The following IL18RAP variants were observed in gnomAD, a reference collection of about 807,000 sequenced individuals.
IL18RAP encodes the protein interleukin 18 receptor accessory protein, also known as interleukin-18 receptor accessory protein.
Under a neutral mutation model 58.1 loss-of-function variants are expected in IL18RAP, and 37 were observed. The ratio of observed to expected loss-of-function variants is 0.64; its 90% CI spans 0.49 to 0.84. The LOEUF (loss-of-function observed/expected upper bound fraction) is 0.84. Ranked by LOEUF, IL18RAP falls within the 40% of genes least tolerant of loss-of-function variation. The pLI, the probability that IL18RAP is intolerant of heterozygous loss-of-function variation, is 0.00. For synonymous variants in IL18RAP, 268 were observed against 257.5 expected (o/e 1.04, Z -0.39); for missense variants, 667 against 704.8 (o/e 0.95, Z 0.61).
At chr2:102,441,503 T>C (rs780931370) in intron 5 of IL18RAP, 126 bp downstream of exon 5, 4 of 691,896 alleles carry the variant, frequency 5.8e-6, no homozygotes, top group South Asian at 3.5e-5. Flanking sequence ...AACTCAGCCA[T>C]TGACTAGTTT....
rs1558641321 is a variant in IL18RAP at position 102,437,362 on chromosome 2, GGTAA to G, written c.730+3_730+6del. ...AGCTGTTGTTCAAGTGAGAACCATT[GGTAA>G]GTGAGATTTTTATCTCAAGATTTGA... On this transcript the variant is annotated splice_donor_variant and splice_donor_region_variant and intron_variant, in intron 4 of 9. Coordinates refer to ENST00000687160, the MANE Select transcript of IL18RAP (RefSeq NM_001393487.1). LOFTEE classifies it high-confidence loss of function. 1.2e-6 allele frequency: 2 copies of G among 1,603,544 alleles called. No homozygotes were observed. The highest frequency in any genetic ancestry group is 3.5e-5 in the Admixed American group (2 of 57,414).
upstream of IL18RAP, among the ~76,000 whole-genome samples, chr2:102,421,704 A>T (rs1681588102): frequency 1.3e-5 from 2 of 152,158 alleles, no homozygotes. Context: ...TCTTTCTTCC[A>T]TGAACACGCC....
At chr2:102,428,102 G>T (rs959164282) in intron 3 of IL18RAP, among the ~76,000 whole-genome samples, 3 of 151,230 alleles carry the variant, frequency 2.0e-5, no homozygotes, top group Non-Finnish European at 4.4e-5. Flanking sequence ...GATTTAAATG[G>T]CTTAACAATA....
At chr2:102,448,243 C>T (rs1332900427) in intron 8 of IL18RAP, among the ~76,000 whole-genome samples, 1 of 152,172 alleles carries the variant, frequency 6.6e-6, no homozygotes, top group African/African-American at 2.4e-5. Context: ...GATTTGGGCA[C>T]AGGTTGTCTG....
intron 3 of IL18RAP, among the ~76,000 whole-genome samples, chr2:102,431,048 G>A (rs1682316041): frequency 6.6e-6 from 1 of 151,962 alleles, no homozygotes; most frequent in Admixed American, 6.6e-5. Context: ...CATATTTTTT[G>A]TTATTAATTA....
chr2:102,428,042 A>G (rs947917851), intron 3 of IL18RAP, among the ~76,000 whole-genome samples: 3 of 146,290 alleles, frequency 2.1e-5, no homozygotes, highest in African/African-American at 5.1e-5. Context: ...GCTTTCTGTC[A>G]TATTCCATTT....
At chr2:102,430,266 G>T (rs1267056864) in intron 3 of IL18RAP, among the ~76,000 whole-genome samples, 1 of 151,908 alleles carries the variant, frequency 6.6e-6, no homozygotes, top group Non-Finnish European at 1.5e-5. Context: ...ATCTACAATT[G>T]TTATATCCTC....
At chr2:102,423,557 A>C (rs1381997483) in intron 1 of IL18RAP, among the ~76,000 whole-genome samples, 1 of 152,198 alleles carries the variant, frequency 6.6e-6, no homozygotes. Flanking sequence ...TTGAGTGTTC[A>C]GTGAGATCAG....
At chr2:102,451,275 C>T (rs746459703) in intron 9 of IL18RAP, among the ~76,000 whole-genome samples, 94 of 152,316 alleles carry the variant, frequency 6.2e-4, no homozygotes, top group Non-Finnish European at 9.1e-4. Context: ...CTCCTGGCTT[C>T]GCAGCTGAAG....
intron 6 of IL18RAP, among the ~76,000 whole-genome samples, chr2:102,443,606 G>C (rs895902506): frequency 6.6e-6 from 1 of 152,186 alleles, no homozygotes; most frequent in East Asian, 1.9e-4. Flanking sequence ...ATATGTCCAA[G>C]AAATGGGAGG....
chr2:102,427,266 C>G (rs1360012320), intron 3 of IL18RAP, among the ~76,000 whole-genome samples: 1 of 152,082 alleles, frequency 6.6e-6, no homozygotes, highest in East Asian at 1.9e-4. Flanking sequence ...TGGATATGTA[C>G]CCAAAAGTGG....
intron 3 of IL18RAP, among the ~76,000 whole-genome samples, chr2:102,425,116 G>A (rs988379049): frequency 3.9e-5 from 6 of 152,078 alleles, no homozygotes; most frequent in African/African-American, 1.4e-4. Flanking sequence ...TTGATTCTTG[G>A]GTGGTGGAAT....
chr2:102,425,828 G>C (rs1457569173), intron 3 of IL18RAP, among the ~76,000 whole-genome samples: 1 of 152,062 alleles, frequency 6.6e-6, no homozygotes, highest in African/African-American at 2.4e-5. Flanking sequence ...ATAGTAGCCA[G>C]CTTTCTGCAA....
In IL18RAP at chr2:102,435,506, G is replaced by C. The variant is rs150916652; in HGVS notation, c.580-1706G>C. Reference sequence around the variant, plus strand: ...TGATGAATACAGACCTGGACACAATGAGTCTATGATAAGGAACATTAAAAT... The same window carrying C: ...TGATGAATACAGACCTGGACACAATCAGTCTATGATAAGGAACATTAAAAT... On this transcript the variant is annotated intron_variant, in intron 3 of 9. Coordinates refer to ENST00000687160, the MANE Select transcript of IL18RAP (RefSeq NM_001393487.1). Among the ~76,000 whole-genome samples, 970 of 152,298 alleles carry C rather than the reference G, an allele frequency of 6.4e-3. 10 individuals are homozygous for C. Among genetic ancestry groups the C allele is most frequent in the African/African-American group, 0.022 (927 of 41,562 alleles).
At chr2:102,424,437 T>C (rs1681801009) in intron 3 of IL18RAP, 23 bp downstream of exon 3, 1 of 1,592,646 alleles carries the variant, frequency 6.3e-7, no homozygotes, top group Non-Finnish European at 8.6e-7. Context: ...TCTCTAAAAT[T>C]AATATAAGAG....
At chr2:102,446,992 C>A (rs1401798627) in intron 7 of IL18RAP, 78 bp from the exon 8 acceptor site, 3 of 1,442,968 alleles carry the variant, frequency 2.1e-6, no homozygotes, top group African/African-American at 2.8e-5. Context: ...GCTGGGTGGG[C>A]CATAGCGCCG....
At chr2:102,430,453 T>A (rs575887448) in intron 3 of IL18RAP, among the ~76,000 whole-genome samples, 1 of 152,190 alleles carries the variant, frequency 6.6e-6, no homozygotes, top group Non-Finnish European at 1.5e-5. Flanking sequence ...GTGTCCTTAT[T>A]AGTAAATCTC....
chr2:102,422,838 A>C (rs1388453547), upstream of IL18RAP, among the ~76,000 whole-genome samples: 1 of 152,188 alleles, frequency 6.6e-6, no homozygotes. Context: ...AGTTTTATTC[A>C]ACTTGGGTCA....
At chr2:102,422,743 T>C (rs79707317), upstream of IL18RAP, among the ~76,000 whole-genome samples, 1 of 152,260 alleles carries the variant, frequency 6.6e-6, no homozygotes, top group East Asian at 1.9e-4. Context: ...TATTCTCTAA[T>C]AGAATAGACT....
Sources: gnomAD v4.1 joint callset for allele counts (sites outside exome capture counted in the v4.1 genomes callset) on GRCh38, gnomAD v4.1.1 for gene constraint, MANE v1.5 for transcripts, NCBI Gene and HGNC (gene_info 2026-07-23, HGNC 2026-07-21) for gene names.